CBARP: variants seen among roughly 807,000 people sequenced by gnomAD.
CBARP encodes the protein voltage-dependent calcium channel beta subunit-associated regulatory protein.
A neutral mutation model predicts 36.3 loss-of-function variants in CBARP; 24 were observed. The observed-to-expected ratio is 0.66, with a 90% CI of 0.48 to 0.93. The LOEUF (loss-of-function observed/expected upper bound fraction) is 0.93, where lower values mean the gene tolerates loss of function less well. CBARP is among the 40% of genes least tolerant of loss of function. CBARP has a pLI of 0.00. For missense variants in CBARP, 1,146 were observed against 980.4 expected (o/e 1.17, Z -2.26); for synonymous variants, 586 against 453.2 (o/e 1.29, Z -3.72).
At chr19:1,231,592 C>G (rs1391417539) in intron 8 of CBARP, among the ~76,000 whole-genome samples, 3 of 100,216 alleles carry the variant, frequency 3.0e-5, no homozygotes, top group East Asian at 7.0e-4. Context: ...GTGCACCCCC[C>G]ATGCCTGTGC....
intron 1 of CBARP, among the ~76,000 whole-genome samples, chr19:1,237,545 C>T (rs2080992451): frequency 6.6e-6 from 1 of 152,060 alleles, no homozygotes; most frequent in East Asian, 1.9e-4. Context: ...TCGTCCTCGC[C>T]CGACCTCACA....
chr19:1,228,445 G>C lies in CBARP; in HGVS notation c.*734C>G, dbSNP rs1003811320. On this transcript the variant is annotated 3_prime_UTR_variant, in exon 10 of 10. Transcript: ENST00000650044. ...GGGAAGCTTGGACCTGGCCGTCTGG[G>C]TTTTGTTCGCGTCTCAACGTGGATG... 1.8e-5 allele frequency: 4 copies of C among 217,716 alleles called. No homozygotes were observed. Among genetic ancestry groups the C allele is most frequent in the African/African-American group, 9.0e-5 (4 of 44,408 alleles). The allele number at this position is 217,716 out of a possible 1,614,324, so 13.5% of individuals were successfully genotyped here.
At chr19:1,230,886 C>A in intron 9 of CBARP, 1 of 1,542,878 alleles carries the variant, frequency 6.5e-7, no homozygotes, top group Non-Finnish European at 8.7e-7. Flanking sequence ...CACCCACCGC[C>A]CTACCCTTAC....
rs545836096 is a variant in CBARP at position 1,231,283 on chromosome 19, C to G, written c.980-8G>C. The G allele has an allele frequency of 1.7e-5, 27 of 1,597,946 alleles. No individual in the cohort carries two copies. In the South Asian group the frequency reaches 2.5e-4, roughly 15 times the overall value. ...GGTGCCGCTTGGGGGAACCTGCGCA[C>G]GGGATGTGCCGTAAGCGTCAGCCGG... is the stretch of plus-strand genomic sequence containing the variant. On this transcript the variant is annotated splice_region_variant and splice_polypyrimidine_tract_variant and intron_variant, in intron 8 of 9. Coordinates refer to ENST00000650044, the MANE Select transcript of CBARP (RefSeq NM_001393918.1).
intron 7 of CBARP, 25 bp from the exon 8 acceptor site, chr19:1,233,661 C>G (rs2080923836): frequency 6.3e-7 from 1 of 1,582,930 alleles, no homozygotes; most frequent in Non-Finnish European, 8.6e-7. Flanking sequence ...AGATGGCGCT[C>G]AGGCTAAGAC....
At chr19:1,230,687 C>G (rs1599940082) in intron 9 of CBARP, 1 of 1,280,184 alleles carries the variant, frequency 7.8e-7, no homozygotes, top group South Asian at 2.8e-5. Flanking sequence ...GGAAGTTGCC[C>G]TTGGGTTGGG....
intron 8 of CBARP, among the ~76,000 whole-genome samples, chr19:1,232,188 T>G (rs1005628497): frequency 6.6e-6 from 1 of 152,200 alleles, no homozygotes; most frequent in Non-Finnish European, 1.5e-5. Context: ...TGCAACCACA[T>G]TGGACTCTAA....
In CBARP at chr19:1,236,851, T is replaced by C. The variant is rs1008784436; in HGVS notation, c.-21-730A>G. On this transcript the variant is annotated intron_variant, in intron 1 of 9. Transcript: ENST00000650044. ...GGGAGGGGGCGCGGGGGCGGCGGCC[T>C]GGGGGGGGGCGGCGGCCTCGGGGGG... is the stretch of plus-strand genomic sequence containing the variant. Among the ~76,000 whole-genome samples the C allele has an allele frequency of 1.0e-3, 17 of 16,924 alleles. No individual in the cohort carries two copies. In the East Asian group the frequency reaches 0.013, roughly 13 times the overall value. 11.1% of individuals were successfully genotyped at this position (16,924 alleles called of 152,430 possible). A position where few individuals can be genotyped will look rare whatever the true frequency, so the allele number is the denominator to read the frequency against.
intron 8 of CBARP, 59 bp from the exon 9 acceptor site, chr19:1,231,334 C>T: frequency 6.4e-7 from 1 of 1,554,452 alleles, no homozygotes; most frequent in Non-Finnish European, 8.7e-7. Context: ...GCTCCACACA[C>T]ACACAGAATG....
chr19:1,233,456 T>G lies in CBARP; in HGVS notation c.949A>C (p.Ser317Arg). 1 of 1,599,254 alleles carries G rather than the reference T, an allele frequency of 6.3e-7. No homozygotes were observed. The highest frequency in any genetic ancestry group is 8.5e-7 in the Non-Finnish European group (1 of 1,173,468). ...GTGTCCAGACTGGCTGCCCGCTGGC[T>G]GGGCTCCAGCTTCCACTTCTTGACC... ...FKVKKWKLEP[S>R]QRAASLDTRG... Residue 317 changes from serine (S) to arginine (R), a missense_variant, in exon 8 of 10, where the codon AGC (serine) becomes CGC (arginine). Coordinates refer to ENST00000650044, the MANE Select transcript of CBARP (RefSeq NM_001393918.1).
Position 1,235,920 on chromosome 19 carries a change from T to C in CBARP, c.106-2A>G. The C allele has an allele frequency of 6.2e-7, 1 of 1,610,088 alleles. No individual in the cohort carries two copies. The highest frequency in any genetic ancestry group is 8.5e-7 in the Non-Finnish European group (1 of 1,179,038). Reference sequence around the variant, plus strand: ...GTCCAGGATGGGGTCTGGCTCTGCCTGCGGGTGTGCAGGGGGGGTCAGGTG... The same window carrying C: ...GTCCAGGATGGGGTCTGGCTCTGCCCGCGGGTGTGCAGGGGGGGTCAGGTG... On this transcript the variant is annotated splice_acceptor_variant, in intron 2 of 9. Coordinates refer to ENST00000650044, the MANE Select transcript of CBARP (RefSeq NM_001393918.1). LOFTEE classifies it high-confidence loss of function.
chr19:1,231,643 C>G (rs966630413), intron 8 of CBARP, among the ~76,000 whole-genome samples: 1 of 134,488 alleles, frequency 7.4e-6, no homozygotes, highest in Admixed American at 7.5e-5. Context: ...ACACAGAACA[C>G]CTGTGGCCCC....
rs1014935547 is a variant in CBARP at position 1,229,090 on chromosome 19, G to C, written c.*89C>G. ...CCCGCGGTCCCCGCGCATTCGCGTCGGGGCGTCGCGCCCCCACGTCTCTCC... is the reference window on the plus strand; with the variant it reads ...CCCGCGGTCCCCGCGCATTCGCGTCCGGGCGTCGCGCCCCCACGTCTCTCC... On this transcript the variant is annotated 3_prime_UTR_variant, in exon 10 of 10. Coordinates refer to ENST00000650044, the MANE Select transcript of CBARP (RefSeq NM_001393918.1). The surrounding 1 kb of genome is among the most constrained non-coding windows in gnomAD (Gnocchi z 5.1). 4 of 399,118 alleles carry C rather than the reference G, an allele frequency of 1.0e-5. No individual in the cohort carries two copies. Among genetic ancestry groups the C allele is most frequent in the African/African-American group, 8.8e-5 (4 of 45,530 alleles). 24.7% of individuals were successfully genotyped at this position (399,118 alleles called of 1,614,324 possible). A position where few individuals can be genotyped will look rare whatever the true frequency, so the allele number is the denominator to read the frequency against.
In CBARP at chr19:1,229,527, G is replaced by C; in HGVS notation, c.1770C>G (p.Pro590=). 1 of 980,034 alleles carries C rather than the reference G, an allele frequency of 1.0e-6. No homozygotes were observed. The highest frequency in any genetic ancestry group is 1.2e-6 in the Non-Finnish European group (1 of 828,192). 60.7% of individuals were successfully genotyped at this position (980,034 alleles called of 1,614,324 possible). The change falls in exon 10 of 10, where the codon CCC becomes CCG. Residue 590 remains proline, a synonymous_variant. Coordinates refer to ENST00000650044, the MANE Select transcript of CBARP (RefSeq NM_001393918.1). The surrounding 1 kb of genome is among the most constrained non-coding windows in gnomAD (Gnocchi z 5.1). ...CCAGGGCCGGGGCCGCGCGGGCGCC[G>C]GGGTCGCTGTGCTGCCGGCCACGCT... ...QWQRGRQHSD[P]GARAAPALAG...
In CBARP at chr19:1,234,324, C is replaced by G; in HGVS notation, c.635G>C (p.Gly212Ala). The G allele has an allele frequency of 6.9e-7, 1 of 1,443,530 alleles. No homozygotes were observed. Among genetic ancestry groups the G allele is most frequent in the East Asian group, 2.5e-5 (1 of 39,432 alleles). The allele number at this position is 1,443,530 out of a possible 1,614,324, so 89.4% of individuals were successfully genotyped here. The change falls in exon 7 of 10, where the codon GGG becomes GCG. Residue 212 changes from glycine (G) to alanine (A), a missense_variant. By Grantham distance (60) the Gly-to-Ala change is moderately conservative. Coordinates refer to ENST00000650044, the MANE Select transcript of CBARP (RefSeq NM_001393918.1). ...KATLAIFQPP[G>A]KALTGRSVGP... ...CACAGAGCGGCCGGTGAGGGCCTTCCCCGGGGGCTGTGGGACAGAGCCAGG... is the reference window on the plus strand; with the variant it reads ...CACAGAGCGGCCGGTGAGGGCCTTCGCCGGGGGCTGTGGGACAGAGCCAGG...
In CBARP at chr19:1,228,303, AT is replaced by A. The variant is rs1333895611; in HGVS notation, c.*875del. The A allele has an allele frequency of 3.8e-6, 1 of 265,724 alleles. No homozygotes were observed. Among genetic ancestry groups the A allele is most frequent in the Non-Finnish European group, 6.7e-6 (1 of 148,206 alleles). The allele number at this position is 265,724 out of a possible 1,614,324, so 16.5% of individuals were successfully genotyped here. ...AAGCAGGAGTGTGCGGTCAATATTT[AT>A]ATCATCCAGAAAAGAAAAACACGAG... is the stretch of plus-strand genomic sequence containing the variant. On this transcript the variant is annotated 3_prime_UTR_variant, in exon 10 of 10. Coordinates refer to ENST00000650044, the MANE Select transcript of CBARP (RefSeq NM_001393918.1).
In CBARP at chr19:1,231,111, C is replaced by T. The variant is rs894614553; in HGVS notation, c.1144G>A (p.Ala382Thr). ...PRPFLASPPP[A>T]LGRLEAAEAA... ...TCTACTGAAAAATACCTGCCGAGAG[C>T]AGGGGGCGGGCTGGCCAGAAAGGGG... is the stretch of plus-strand genomic sequence containing the variant. Residue 382 changes from alanine to threonine, a missense_variant, in exon 9 of 10, where the codon GCT (alanine) becomes ACT (threonine). Ala to Thr is a moderately conservative substitution (Grantham distance 58). Transcript: ENST00000650044. 3 of 1,597,256 alleles carry T rather than the reference C, an allele frequency of 1.9e-6. No homozygotes were observed. The African/African-American group carries it at 4.0e-5, about 21-fold the overall frequency.
rs1354253367 is a variant in CBARP, at chr19:1,228,948, C to G, written c.*231G>C. ...GGCCCGCGCCTCACGACGCCCAGCA[C>G]CCGGCAAGCACCGGAAAGAGCAGTG... On this transcript the variant is annotated 3_prime_UTR_variant, in exon 10 of 10. Coordinates refer to ENST00000650044, the MANE Select transcript of CBARP (RefSeq NM_001393918.1). 6.7e-6 allele frequency: 1 copy of G among 148,416 alleles called. No homozygotes were observed. Among genetic ancestry groups the G allele is most frequent in the Non-Finnish European group, 1.5e-5 (1 of 67,076 alleles). The allele number at this position is 148,416 out of a possible 1,614,324, so 9.2% of individuals were successfully genotyped here. A position where few individuals can be genotyped will look rare whatever the true frequency, so the allele number is the denominator to read the frequency against.
At chr19:1,234,824 CGGCCTG>C in intron 5 of CBARP, 82 bp from the exon 6 acceptor site, 1 of 1,542,198 alleles carries the variant, frequency 6.5e-7, no homozygotes, top group Non-Finnish European at 8.8e-7. Flanking sequence ...TCCACCCTGC[CGGCCTG>C]GGCAGGGGCA....
Sources: allele counts gnomAD v4.1 joint callset (sites outside exome capture counted in the v4.1 genomes callset), GRCh38; gene constraint gnomAD v4.1.1; non-coding constraint Gnocchi (gnomAD v3.1); transcripts MANE v1.5; gene names NCBI Gene and HGNC (gene_info 2026-07-23, HGNC 2026-07-21).